Variants in TTC23 observed in about 807,000 individuals in gnomAD.
TTC23 encodes the protein tetratricopeptide repeat protein 23.
TTC23 carries 58 observed loss-of-function variants against 55.1 expected under a neutral mutation model. The observed-to-expected ratio is 1.05, with a 90% confidence interval of 0.85 to 1.31. The LOEUF is 1.31. Ranked by LOEUF, TTC23 falls within the 50% of genes most tolerant of loss-of-function variation. The probability of loss-of-function intolerance (pLI) is 0.00; values close to 1 mark genes in which losing one functional copy is unlikely to be tolerated. For synonymous variants in TTC23, 203 were observed against 199.9 expected, an observed-to-expected ratio of 1.02 and a Z score of -0.13; for missense variants, 516 against 534.4, an observed-to-expected ratio of 0.97 and a Z score of 0.34.
In TTC23 at chr15:99,218,976, T is replaced by G. The variant is rs532474364; in HGVS notation, c.377A>C (p.Tyr126Ser). ...CTTGAAAACATCTGTATTCTCACTA[T>G]AGGGAGGCACAATGGAGTTGGCGAG... Reference protein sequence around the residue: ...QILANSIVPPYSENTDVFKFS... With the variant: ...QILANSIVPPSSENTDVFKFS... Residue 126 changes from tyrosine to serine, a missense_variant, in exon 7 of 14, where the codon TAT becomes TCT. By Grantham distance (144) the Tyr-to-Ser change is moderately radical (BLOSUM62 -2). Transcript: ENST00000394132. 32 of 1,614,232 alleles carry G rather than the reference T, an allele frequency of 2.0e-5. No individual in the cohort carries two copies. In the African/African-American group the frequency reaches 3.5e-4, roughly 17 times the overall value.
Position 99,137,989 on chromosome 15 carries a change from G to C in TTC23, c.*21C>G, listed in dbSNP as rs2067722701. On this transcript the variant is annotated 3_prime_UTR_variant, in exon 14 of 14. Coordinates refer to ENST00000394132, the MANE Select transcript of TTC23 (RefSeq NM_001288615.3). ...AATGACAGTGCCCAGGAATGTCCTA[G>C]GCTTTTTCAGGGTGGGGGCCTCAGT... The C allele has an allele frequency of 3.7e-6, 6 of 1,613,934 alleles. No homozygotes were observed. Among genetic ancestry groups the C allele is most frequent in the African/African-American group, 1.3e-5 (1 of 74,918 alleles).
At chr15:99,161,929 T>C (rs1277042636) in intron 10 of TTC23, 62 bp from the exon 11 acceptor site, 1 of 1,526,336 alleles carries the variant, frequency 6.6e-7, no homozygotes, top group Non-Finnish European at 8.8e-7. Flanking sequence ...GGAAACAGAA[T>C]AAATATACTG....
intron 8 of TTC23, among the ~76,000 whole-genome samples, chr15:99,214,991 G>T (rs555852758): frequency 6.6e-6 from 1 of 151,552 alleles, no homozygotes; most frequent in Non-Finnish European, 1.5e-5. Flanking sequence ...GAGTAGCTGG[G>T]ATTACAGGTG....
intron 12 of TTC23, among the ~76,000 whole-genome samples, chr15:99,149,907 T>C (rs2069474592): frequency 6.6e-6 from 1 of 152,236 alleles, no homozygotes; most frequent in South Asian, 2.1e-4. Flanking sequence ...CTCAAGTTTC[T>C]GTGTATCTCT....
rs189822323 is a variant in TTC23, at chr15:99,160,180, A to G, written c.993+1560T>C. The G allele has an allele frequency of 3.3e-5, 5 of 151,732 alleles. No individual in the cohort carries two copies. The East Asian group carries it at 9.8e-4, about 30-fold the overall frequency. The allele number at this position is 151,732 out of a possible 1,614,324, so 9.4% of individuals were successfully genotyped here. On this transcript the variant is annotated intron_variant, in intron 11 of 13. Transcript: ENST00000394132. ...CTACTTTGGCCTGAGAAACATAGGT[A>G]TATCGGCATAAAAGCCCGTGTTCCC... is the stretch of plus-strand genomic sequence containing the variant.
At chr15:99,228,455 C>G in intron 5 of TTC23, 78 bp downstream of exon 5, 5 of 1,314,444 alleles carry the variant, frequency 3.8e-6, no homozygotes, top group Non-Finnish European at 5.1e-6. Flanking sequence ...GAATGTAATC[C>G]AAAACATTCT....
rs938511412 is a variant in TTC23 at position 99,224,458 on chromosome 15, T to C, written c.181-2594A>G. Among the ~76,000 whole-genome samples the C allele has an allele frequency of 1.3e-5, 2 of 152,364 alleles. 1 individual carries two copies. Among genetic ancestry groups the C allele is most frequent in the East Asian group, 3.9e-4 (2 of 5,188 alleles). ...AATTTACGAATAACTTCTCATGTCATCTTCTATGATATAAGTTTGAATGGC... is the reference window on the plus strand; with the variant it reads ...AATTTACGAATAACTTCTCATGTCACCTTCTATGATATAAGTTTGAATGGC... On this transcript the variant is annotated intron_variant, in intron 5 of 13. Transcript: ENST00000394132.
chr15:99,142,657 C>T (rs1555491004), intron 12 of TTC23, among the ~76,000 whole-genome samples: 1 of 152,222 alleles, frequency 6.6e-6, no homozygotes, highest in Non-Finnish European at 1.5e-5. Flanking sequence ...GCTGCTGCTC[C>T]TTGGCCCCTC....
intron 6 of TTC23, 147 bp downstream of exon 6, chr15:99,221,594 T>C (rs191054494): frequency 2.0e-6 from 2 of 996,408 alleles, no homozygotes; most frequent in African/African-American, 3.3e-5. Flanking sequence ...ATATACCTTA[T>C]CAACTCTTTC....
rs2151880688 is a variant in TTC23, at chr15:99,156,133, T to C, written c.1143+15A>G. The C allele has an allele frequency of 1.2e-6, 2 of 1,614,216 alleles. No homozygotes were observed. Among genetic ancestry groups the C allele is most frequent in the East Asian group, 2.2e-5 (1 of 44,886 alleles). The stretch of plus-strand genomic sequence containing the variant: ...GGAGAGCCTAGTCTCGTGTTAGTAC[T>C]GGTTCCAGCTTTACCTTCTTCAGTT... On this transcript the variant is annotated intron_variant, in intron 12 of 13. Transcript: ENST00000394132.
At chr15:99,139,914 T>C in intron 12 of TTC23, 4 of 403,356 alleles carry the variant, frequency 9.9e-6, no homozygotes, top group South Asian at 7.1e-5. Context: ...ATTTCTCCCT[T>C]CTGCTTACTT....
At chr15:99,216,294 A>G (rs1416102761) in intron 8 of TTC23, among the ~76,000 whole-genome samples, 1 of 152,200 alleles carries the variant, frequency 6.6e-6, no homozygotes, top group Non-Finnish European at 1.5e-5. Context: ...GAGTTAAAGT[A>G]GGTCTTGGAG....
At chr15:99,154,852 T>C (rs1445766685) in intron 12 of TTC23, among the ~76,000 whole-genome samples, 4 of 152,146 alleles carry the variant, frequency 2.6e-5, no homozygotes, top group Non-Finnish European at 4.4e-5. Context: ...CCAGCATCTA[T>C]TAAATAAAGA....
intron 12 of TTC23, chr15:99,155,783 C>T (rs2070455222): frequency 6.7e-6 from 2 of 297,404 alleles, no homozygotes; most frequent in Non-Finnish European, 1.2e-5. Context: ...ATGCCATCCA[C>T]ACAAATAAAC....
intron 9 of TTC23, among the ~76,000 whole-genome samples, chr15:99,194,548 C>T (rs377306602): frequency 1.2e-4 from 13 of 109,674 alleles, no homozygotes; most frequent in Non-Finnish European, 1.6e-4. Context: ...TTGGACATCA[C>T]GTGCAAAAAA....
chr15:99,225,002 A>G (rs561101560), intron 5 of TTC23, among the ~76,000 whole-genome samples: 2 of 152,362 alleles, frequency 1.3e-5, no homozygotes, highest in South Asian at 4.1e-4. Flanking sequence ...CAACAACTAC[A>G]GTGTATGAAA....
intron 8 of TTC23, among the ~76,000 whole-genome samples, chr15:99,208,690 T>C (rs965606108): frequency 4.6e-5 from 7 of 151,418 alleles, no homozygotes; most frequent in African/African-American, 1.5e-4. Flanking sequence ...ACTATTCACA[T>C]AAAAGAAAAG....
intron 9 of TTC23, among the ~76,000 whole-genome samples, chr15:99,194,980 A>T (rs775532431): frequency 2.0e-5 from 3 of 152,234 alleles, no homozygotes; most frequent in Non-Finnish European, 4.4e-5. Flanking sequence ...TAAAACTCCT[A>T]GAACATGACA....
At position 99,138,139 on chromosome 15, in the gene TTC23, C is replaced by G; in HGVS notation, c.1227-12G>C. 6.2e-7 allele frequency: 1 copy of G among 1,611,734 alleles called. No homozygotes were observed. Among genetic ancestry groups the G allele is most frequent in the South Asian group, 1.1e-5 (1 of 90,908 alleles). ...CAACCTTGGGGGCCCTGCAGACAAG[C>G]AGAGGGTGGGGTGAGTGTGGTGCCC... On this transcript the variant is annotated splice_polypyrimidine_tract_variant and intron_variant, in intron 13 of 13. Transcript: ENST00000394132.
Sources: allele counts gnomAD v4.1 joint callset (sites outside exome capture counted in the v4.1 genomes callset), GRCh38; gene constraint gnomAD v4.1.1; transcripts MANE v1.5; gene names NCBI Gene and HGNC (gene_info 2026-07-23, HGNC 2026-07-21).